Variants in NFATC1 observed in about 807,000 individuals in gnomAD.
NFATC1 encodes the protein nuclear factor of activated T cells 1.
A neutral mutation model predicts 76.0 loss-of-function variants in NFATC1; 22 were observed. The ratio of observed to expected loss-of-function variants is 0.29; its 90% CI spans 0.21 to 0.41. The LOEUF is 0.41. Ranked by LOEUF, NFATC1 falls within the 10% of genes least tolerant of loss-of-function variation. The probability of loss-of-function intolerance (pLI) is 1.00; values close to 1 mark genes in which losing one functional copy is unlikely to be tolerated. For missense variants in NFATC1, 1,357 were observed against 1,337.7 expected (o/e 1.01, Z -0.23); for synonymous variants, 704 against 613.1 (o/e 1.15, Z -2.19).
chr18:79,513,671 G>C (rs927200228), intron 9 of NFATC1, among the ~76,000 whole-genome samples: 1 of 151,394 alleles, frequency 6.6e-6, no homozygotes, highest in Non-Finnish European at 1.5e-5. Context: ...TTCCCTTGCA[G>C]CTAGCTCCCG....
At chr18:79,462,455 C>T (rs539637666) in intron 7 of NFATC1, among the ~76,000 whole-genome samples, 3 of 152,174 alleles carry the variant, frequency 2.0e-5, no homozygotes, top group African/African-American at 4.8e-5. Flanking sequence ...CAGGCATGCA[C>T]CACCACGCCC....
intron 1 of NFATC1, among the ~76,000 whole-genome samples, chr18:79,408,763 C>T (rs1244366236): frequency 2.0e-5 from 3 of 152,172 alleles, no homozygotes; most frequent in African/African-American, 7.2e-5. Flanking sequence ...CTCCTCCATT[C>T]CCTATGCATC....
intron 9 of NFATC1, among the ~76,000 whole-genome samples, chr18:79,520,220 G>A (rs918809550): frequency 5.1e-5 from 7 of 138,534 alleles, no homozygotes; most frequent in African/African-American, 1.3e-4. Context: ...CTGCGCTGCC[G>A]GGAGGTCCGG....
chr18:79,425,211 C>CTCTGTCTCTCTGTTTCTCTCCCTGTG (rs2086275631), intron 2 of NFATC1, among the ~76,000 whole-genome samples: 1 of 152,106 alleles, frequency 6.6e-6, no homozygotes, highest in East Asian at 1.9e-4. Flanking sequence ...CTCTCCCTGT[C>CTCTGTCTCTCTGTTTCTCTCCCTGTG]TCTGTCTCTC....
chr18:79,461,653 G>A lies in NFATC1; in HGVS notation c.1959+287G>A, dbSNP rs116837830. On this transcript the variant is annotated intron_variant, in intron 7 of 9. Coordinates refer to ENST00000427363, the MANE Select transcript of NFATC1 (RefSeq NM_001278669.2). ...TGAGGGCCACCTCACACACCCTGGC[G>A]CTGAGACAGCCCAGGGAAGGTCGTC... Among the ~76,000 whole-genome samples the A allele has an allele frequency of 5.4e-3, 826 of 152,310 alleles. 6 individuals carry two copies. The highest frequency in any genetic ancestry group is 0.019 in the African/African-American group (782 of 41,566).
At chr18:79,433,948 G>T (rs896603013) in intron 3 of NFATC1, among the ~76,000 whole-genome samples, 1 of 152,194 alleles carries the variant, frequency 6.6e-6, no homozygotes, top group South Asian at 2.1e-4. Flanking sequence ...GCCCTCTCTC[G>T]TTGTTTTCAG....
chr18:79,425,916 G>C (rs73494214), intron 2 of NFATC1, among the ~76,000 whole-genome samples: 1 of 152,150 alleles, frequency 6.6e-6, no homozygotes, highest in Non-Finnish European at 1.5e-5. Flanking sequence ...GATAAACCAC[G>C]ATAAATGAGT....
At position 79,486,535 on chromosome 18, in the gene NFATC1, G is replaced by T. The variant is rs752355299; in HGVS notation, c.2380G>T (p.Ala794Ser). ...GHCHLGLPQP[A>S]GEAPAVQDVP... The stretch of plus-strand genomic sequence containing the variant: ...CTGTCACCTCGGACTCCCGCAGCCG[G>T]CCGGAGAGGCCCCCGCCGTCCAGGA... The change falls in exon 9 of 10, where the codon GCC becomes TCC. Residue 794 changes from alanine (A) to serine (S), a missense_variant. This residue lies in a region of NFATC1 where 424 missense variants were observed against 395.4 expected (regional missense o/e 1.07). Coordinates refer to ENST00000427363, the MANE Select transcript of NFATC1 (RefSeq NM_001278669.2). 1 of 1,597,404 alleles carries T rather than the reference G, an allele frequency of 6.3e-7. No homozygotes were observed. Among genetic ancestry groups the T allele is most frequent in the Non-Finnish European group, 8.5e-7 (1 of 1,177,314 alleles).
chr18:79,430,256 C>T (rs986025986), intron 2 of NFATC1, among the ~76,000 whole-genome samples: 1 of 152,202 alleles, frequency 6.6e-6, no homozygotes, highest in African/African-American at 2.4e-5. Context: ...TTTAACCAGA[C>T]CAGCGGTGGG....
At chr18:79,419,850 G>A (rs1410026068) in intron 2 of NFATC1, among the ~76,000 whole-genome samples, 2 of 152,360 alleles carry the variant, frequency 1.3e-5, no homozygotes, top group East Asian at 1.9e-4. Flanking sequence ...AACCTGAGTC[G>A]GGAGTTGGAG....
intron 8 of NFATC1, among the ~76,000 whole-genome samples, chr18:79,474,963 A>G (rs577230): frequency 7.2e-5 from 8 of 111,412 alleles, no homozygotes; most frequent in East Asian, 6.5e-4. Flanking sequence ...TCTCACGCTC[A>G]CTGTCGACGT....
chr18:79,516,754 C>T (rs558607849), intron 9 of NFATC1, among the ~76,000 whole-genome samples: 18 of 152,292 alleles, frequency 1.2e-4, no homozygotes, highest in Middle Eastern at 6.8e-3. Context: ...GCGCACACAC[C>T]GAAGCCACCT....
chr18:79,423,000 A>T (rs1301658065), intron 2 of NFATC1, among the ~76,000 whole-genome samples: 2 of 139,078 alleles, frequency 1.4e-5, no homozygotes, highest in Non-Finnish European at 3.1e-5. Context: ...GGGCAGATAG[A>T]GGGGTGGGGA....
At chr18:79,500,969 G>T (rs2089999855) in intron 9 of NFATC1, among the ~76,000 whole-genome samples, 1 of 152,110 alleles carries the variant, frequency 6.6e-6, no homozygotes, top group Admixed American at 6.5e-5. Context: ...AAATGAAGAA[G>T]GAACACTTCT....
intron 8 of NFATC1, among the ~76,000 whole-genome samples, chr18:79,476,371 G>A (rs773259291): frequency 4.6e-5 from 7 of 152,392 alleles, no homozygotes; most frequent in Admixed American, 2.0e-4. Context: ...GGCGGGCAGC[G>A]CGGGCGAGGA....
intron 9 of NFATC1, among the ~76,000 whole-genome samples, chr18:79,513,526 C>G (rs2145183538): frequency 6.6e-6 from 1 of 152,390 alleles, no homozygotes. Context: ...CTTAAAGATT[C>G]AAACGATAAT....
At chr18:79,476,242 C>T (rs1027998723) in intron 8 of NFATC1, among the ~76,000 whole-genome samples, 45 of 152,262 alleles carry the variant, frequency 3.0e-4, no homozygotes, top group African/African-American at 7.7e-4. Context: ...CACGTGCAGC[C>T]GCCTCCGGGC....
intron 8 of NFATC1, among the ~76,000 whole-genome samples, chr18:79,480,069 G>A (rs1198970574): frequency 6.6e-6 from 1 of 152,230 alleles, no homozygotes; most frequent in Non-Finnish European, 1.5e-5. Flanking sequence ...CAAGCACGGT[G>A]ACCACGTCGC....
In NFATC1 at chr18:79,486,656, G is replaced by A. The variant is rs1353997062; in HGVS notation, c.2501G>A (p.Cys834Tyr). 3 of 1,603,536 alleles carry A rather than the reference G, an allele frequency of 1.9e-6. No individual in the cohort carries two copies. Among genetic ancestry groups the A allele is most frequent in the Non-Finnish European group, 2.5e-6 (3 of 1,177,872 alleles). The change falls in exon 9 of 10, where the codon TGC (cysteine) becomes TAC (tyrosine). Residue 834 changes from cysteine to tyrosine, a missense_variant. Transcript: ENST00000427363. Reference sequence around the variant, plus strand: ...GTGAGTGCGCCTCCAAGCAGTAGCTGCCCCCCTGGTCTCGAACACTCGCTC... The same window carrying A: ...GTGAGTGCGCCTCCAAGCAGTAGCTACCCCCCTGGTCTCGAACACTCGCTC... ...QQVSAPPSSS[C>Y]PPGLEHSLCP... is the part of the protein sequence containing the mutation.
Sources: allele counts gnomAD v4.1 joint callset (sites outside exome capture counted in the v4.1 genomes callset), GRCh38; gene constraint gnomAD v4.1.1; regional missense constraint gnomAD v4.1.1; transcripts MANE v1.5; gene names NCBI Gene and HGNC (gene_info 2026-07-23, HGNC 2026-07-21).